The following HS6ST2 variants were observed in gnomAD, a reference collection of about 807,000 sequenced individuals.
HS6ST2 encodes the protein heparan sulfate 6-O-sulfotransferase 2.
In HS6ST2, 17 loss-of-function variants were observed where a neutral mutation model predicts 33.0. The ratio of observed to expected loss-of-function variants is 0.52; its 90% CI spans 0.35 to 0.77. The LOEUF (loss-of-function observed/expected upper bound fraction) is 0.77, where lower values mean the gene tolerates loss of function less well. Ranked by LOEUF, HS6ST2 falls within the 30% of genes least tolerant of loss-of-function variation. HS6ST2 has a pLI of 0.01. For missense variants in HS6ST2, 519 were observed against 551.7 expected, an observed-to-expected ratio of 0.94 and a Z score of 0.59; for synonymous variants, 248 against 237.1, an observed-to-expected ratio of 1.05 and a Z score of -0.42.
intron 2 of HS6ST2, among the ~76,000 whole-genome samples, chrX:132,793,327 C>T (rs995071954): frequency 9.1e-6 from 1 of 110,189 alleles, no homozygotes; most frequent in Non-Finnish European, 1.9e-5. Flanking sequence ...TCCCAAAGTA[C>T]TGGGATTACA....
intron 2 of HS6ST2, among the ~76,000 whole-genome samples, chrX:132,828,835 ATAATT>A (rs1427020055): frequency 3.9e-5 from 4 of 103,004 alleles, no homozygotes; most frequent in Admixed American, 3.3e-4. Flanking sequence ...ACATATATTT[ATAATT>A]TAAGTATATA....
At chrX:132,923,492 G>A (rs1304252337) in intron 2 of HS6ST2, among the ~76,000 whole-genome samples, 2 of 111,579 alleles carry the variant, frequency 1.8e-5, no homozygotes, top group Admixed American at 9.6e-5. Flanking sequence ...GTTTACTGAT[G>A]TTACTAATCC....
intron 2 of HS6ST2, among the ~76,000 whole-genome samples, chrX:132,863,904 C>T (rs775665011): frequency 8.1e-5 from 9 of 111,507 alleles, no homozygotes; most frequent in South Asian, 3.8e-4. Context: ...CAAGAATGAA[C>T]GGGCAGCAAT....
At chrX:132,712,353 T>C (rs2064238939) in intron 2 of HS6ST2, among the ~76,000 whole-genome samples, 1 of 111,959 alleles carries the variant, frequency 8.9e-6, no homozygotes. Flanking sequence ...AATACAGTAG[T>C]ATATCCTAGC....
chrX:132,934,150 A>G (rs1000436416), intron 2 of HS6ST2, among the ~76,000 whole-genome samples: 2 of 111,916 alleles, frequency 1.8e-5, no homozygotes, highest in African/African-American at 6.5e-5. Flanking sequence ...TTGAAAAGCA[A>G]TAAAAAAATA....
At chrX:132,694,136 A>G (rs1465327016) in intron 3 of HS6ST2, among the ~76,000 whole-genome samples, 1 of 111,720 alleles carries the variant, frequency 9.0e-6, no homozygotes, top group African/African-American at 3.3e-5. Context: ...TGAATGAGAC[A>G]ACAGCACCAG....
intron 2 of HS6ST2, among the ~76,000 whole-genome samples, chrX:132,831,010 G>T (rs2065584424): frequency 9.0e-6 from 1 of 111,672 alleles, no homozygotes; most frequent in African/African-American, 3.3e-5. Context: ...AGACACTAGG[G>T]GTTGTTTTGT....
intron 2 of HS6ST2, among the ~76,000 whole-genome samples, chrX:132,949,866 G>A (rs1233111914): frequency 1.8e-5 from 2 of 110,352 alleles, no homozygotes; most frequent in Admixed American, 9.7e-5. Flanking sequence ...TCGCTCGCTC[G>A]CTCGCTATCT....
At chrX:132,859,632 G>C (rs1254024799) in intron 2 of HS6ST2, among the ~76,000 whole-genome samples, 1 of 93,805 alleles carries the variant, frequency 1.1e-5, no homozygotes, top group African/African-American at 3.9e-5. Flanking sequence ...GGGAAGGAGA[G>C]AGTCAGAGGA....
intron 2 of HS6ST2, among the ~76,000 whole-genome samples, chrX:132,716,167 A>T (rs2064271567): frequency 8.9e-6 from 1 of 111,941 alleles, no homozygotes; most frequent in African/African-American, 3.2e-5. Context: ...CCTGCCCAGC[A>T]GATTTTAGTA....
intron 2 of HS6ST2, among the ~76,000 whole-genome samples, chrX:132,720,882 T>A (rs761340637): frequency 4.0e-3 from 447 of 110,895 alleles, no homozygotes; most frequent in Non-Finnish European, 6.9e-3. Flanking sequence ...GAGGATATAA[T>A]AATTTTAAAT....
chrX:132,794,568 G>GATTATT lies in HS6ST2; in HGVS notation c.948-86075_948-86074insAATAAT, dbSNP rs200135097. ...TTCACCACTCCTGGATGATGATGATGATGATGATTATTATTATTATTATTA... is the reference window on the plus strand; with the variant it reads ...TTCACCACTCCTGGATGATGATGATGATTATTATGATGATTATTATTATTATTATTA... On this transcript the variant is annotated intron_variant, in intron 2 of 4. Coordinates refer to ENST00000370833, the MANE Select transcript of HS6ST2 (RefSeq NM_001394073.1). Among the ~76,000 whole-genome samples the GATTATT allele has an allele frequency of 1.8e-3, 173 of 98,020 alleles. 1 individual carries two copies. The highest frequency in any genetic ancestry group is 6.7e-3 in the African/African-American group (164 of 24,571). The allele number at this position is 98,020 out of a possible 115,157, so 85.1% of individuals were successfully genotyped here.
intron 2 of HS6ST2, among the ~76,000 whole-genome samples, chrX:132,821,625 C>T (rs2065460052): frequency 9.0e-6 from 1 of 110,746 alleles, no homozygotes; most frequent in Non-Finnish European, 1.9e-5. Context: ...AACACCAGAG[C>T]TGGAGAATGC....
At chrX:132,754,710 C>A (rs2064741248) in intron 2 of HS6ST2, among the ~76,000 whole-genome samples, 1 of 109,283 alleles carries the variant, frequency 9.2e-6, no homozygotes, top group African/African-American at 3.3e-5. Context: ...GCCACCACAC[C>A]CGGCCTGCAC....
At chrX:132,753,001 G>A (rs1429291220) in intron 2 of HS6ST2, among the ~76,000 whole-genome samples, 2 of 112,425 alleles carry the variant, frequency 1.8e-5, no homozygotes, top group Admixed American at 9.4e-5. Context: ...TGCTCTTTGC[G>A]AGGATGGCTT....
At chrX:132,920,088 C>T (rs773998837) in intron 2 of HS6ST2, among the ~76,000 whole-genome samples, 12 of 111,460 alleles carry the variant, frequency 1.1e-4, no homozygotes, top group East Asian at 8.5e-4. Context: ...GGGAGGTAGA[C>T]GGTGGGGGGC....
intron 2 of HS6ST2, among the ~76,000 whole-genome samples, chrX:132,888,586 C>T (rs889743475): frequency 9.0e-6 from 1 of 111,652 alleles, no homozygotes; most frequent in Non-Finnish European, 1.9e-5. Context: ...CTCACTGCAA[C>T]CTCCGCCTCC....
At chrX:132,932,014 G>T (rs1042479127) in intron 2 of HS6ST2, among the ~76,000 whole-genome samples, 8 of 108,922 alleles carry the variant, frequency 7.3e-5, no homozygotes, top group African/African-American at 2.7e-4. Context: ...GTGAAACCCC[G>T]TCTCTACTAA....
intron 2 of HS6ST2, among the ~76,000 whole-genome samples, chrX:132,737,400 T>C (rs2064519780): frequency 9.0e-6 from 1 of 111,276 alleles, no homozygotes; most frequent in African/African-American, 3.3e-5. Context: ...CTGGGCAAGA[T>C]TGGGCTAATG....
Sources: gnomAD v4.1 joint callset for allele counts (sites outside exome capture counted in the v4.1 genomes callset) on GRCh38, gnomAD v4.1.1 for gene constraint, MANE v1.5 for transcripts, NCBI Gene and HGNC (gene_info 2026-07-23, HGNC 2026-07-21) for gene names.